Variants in NBEA observed in about 807,000 individuals in gnomAD.
NBEA encodes the protein lysosomal-trafficking regulator 2.
NBEA carries 44 observed loss-of-function variants against 343.4 expected under a neutral mutation model. The ratio of observed to expected loss-of-function variants is 0.13; its 90% CI spans 0.10 to 0.16. NBEA has a LOEUF of 0.16. Ranked by LOEUF, NBEA falls within the 10% of genes least tolerant of loss-of-function variation. NBEA has a pLI of 1.00. For missense variants in NBEA, 2,555 were observed against 3,631.3 expected, an observed-to-expected ratio of 0.70 and a Z score of 7.62; for synonymous variants, 1,175 against 1,238.7, an observed-to-expected ratio of 0.95 and a Z score of 1.08.
At chr13:35,175,484 T>C (rs1427045444) in intron 27 of NBEA, among the ~76,000 whole-genome samples, 1 of 152,186 alleles carries the variant, frequency 6.6e-6, no homozygotes, top group African/African-American at 2.4e-5. Flanking sequence ...TTTGTAGATA[T>C]ACTAAATAAA....
Position 35,110,880 on chromosome 13 carries a change from G to T in NBEA, c.1904G>T (p.Arg635Leu), listed in dbSNP as rs1375300772. The change falls in exon 13 of 59, where the codon CGC becomes CTC. Residue 635 changes from arginine to leucine, a missense_variant. Transcript: ENST00000379939. ...ACTGCTACCATCTACACCACCATAC[G>T]CAGAGTAGGAACAGTATTACAGCTA... is the stretch of plus-strand genomic sequence containing the variant. ...IGTATIYTTIRRVGTVLQLMH... is the reference protein window; with the variant it reads ...IGTATIYTTILRVGTVLQLMH... 6.2e-7 allele frequency: 1 copy of T among 1,611,978 alleles called. No individual in the cohort carries two copies. Among genetic ancestry groups the T allele is most frequent in the Non-Finnish European group, 8.5e-7 (1 of 1,178,398 alleles).
At chr13:35,113,627 A>ATCTATCTATCTATCTATCTGTCTG (rs138177740) in intron 13 of NBEA, among the ~76,000 whole-genome samples, 1 of 150,610 alleles carries the variant, frequency 6.6e-6, no homozygotes, top group African/African-American at 2.4e-5. Flanking sequence ...CTATCTATCT[A>ATCTATCTATCTATCTATCTGTCTG]TCTGTCTGTC....
chr13:35,062,690 T>TA (rs772886649), intron 8 of NBEA, among the ~76,000 whole-genome samples: 27 of 151,962 alleles, frequency 1.8e-4, no homozygotes, highest in Non-Finnish European at 3.7e-4. Context: ...ACAAAATCCT[T>TA]AAAGTTCTGA....
intron 13 of NBEA, among the ~76,000 whole-genome samples, chr13:35,114,970 G>A (rs1206053968): frequency 2.0e-5 from 3 of 152,058 alleles, no homozygotes; most frequent in Non-Finnish European, 4.4e-5. Context: ...TTCATGTGTA[G>A]GCACTCGCCT....
intron 41 of NBEA, chr13:35,476,857 G>GACCACC: frequency 2.0e-6 from 2 of 987,646 alleles, no homozygotes; most frequent in East Asian, 1.1e-4. Context: ...TGCTGCCGGC[G>GACCACC]GAAAACCACT....
chr13:35,435,948 T>C (rs561488137), intron 39 of NBEA, among the ~76,000 whole-genome samples: 1 of 152,166 alleles, frequency 6.6e-6, no homozygotes. Flanking sequence ...TCTAGGAACT[T>C]GACCCAAGGA....
intron 34 of NBEA, among the ~76,000 whole-genome samples, chr13:35,284,463 T>C (rs1282105492): frequency 1.3e-5 from 2 of 152,184 alleles, no homozygotes; most frequent in Non-Finnish European, 2.9e-5. Flanking sequence ...AATTTTATTA[T>C]AGTTTTAAGT....
chr13:35,464,474 G>A (rs531296336), intron 40 of NBEA, among the ~76,000 whole-genome samples: 9 of 152,098 alleles, frequency 5.9e-5, no homozygotes, highest in Non-Finnish European at 1.2e-4. Context: ...TATCCCAACT[G>A]CTCACTTCCC....
At chr13:35,483,061 ACAGG>A (rs1016324579) in intron 41 of NBEA, among the ~76,000 whole-genome samples, 68 of 152,086 alleles carry the variant, frequency 4.5e-4, no homozygotes, top group Admixed American at 7.9e-4. Flanking sequence ...AAACACTGAC[ACAGG>A]CAAAGTGTAA....
chr13:35,298,159 T>A (rs1052799514), intron 35 of NBEA, among the ~76,000 whole-genome samples: 4 of 149,166 alleles, frequency 2.7e-5, no homozygotes, highest in Non-Finnish European at 4.5e-5. Flanking sequence ...AAAATATATA[T>A]AGATACATAG....
At chr13:35,190,013 T>C (rs986311889) in intron 30 of NBEA, among the ~76,000 whole-genome samples, 3 of 152,082 alleles carry the variant, frequency 2.0e-5, no homozygotes, top group African/African-American at 7.2e-5. Context: ...TGAAAACCAG[T>C]AGTCTAGCAG....
At chr13:35,559,847 C>G (rs1165018670) in intron 44 of NBEA, among the ~76,000 whole-genome samples, 1 of 151,098 alleles carries the variant, frequency 6.6e-6, no homozygotes, top group Non-Finnish European at 1.5e-5. Flanking sequence ...AAGAGAATGG[C>G]CTGAACCCGG....
At chr13:35,094,722 TATG>T (rs1249455931) in intron 10 of NBEA, among the ~76,000 whole-genome samples, 4 of 152,042 alleles carry the variant, frequency 2.6e-5, no homozygotes, top group Admixed American at 6.6e-5. Context: ...ACTATAGAAA[TATG>T]ATATTAAATA....
At chr13:34,962,612 G>C (rs1465124555) in intron 1 of NBEA, among the ~76,000 whole-genome samples, 1 of 152,032 alleles carries the variant, frequency 6.6e-6, no homozygotes, top group African/African-American at 2.4e-5. Flanking sequence ...TACAATGAGA[G>C]TACTCTTATT....
At chr13:35,615,239 C>T (rs1358050634) in intron 48 of NBEA, among the ~76,000 whole-genome samples, 1 of 143,606 alleles carries the variant, frequency 7.0e-6, no homozygotes, top group Non-Finnish European at 1.5e-5. Flanking sequence ...AGTGAGGCAA[C>T]ATCACACCAT....
intron 41 of NBEA, among the ~76,000 whole-genome samples, chr13:35,497,872 T>C (rs1432999470): frequency 6.6e-6 from 1 of 152,056 alleles, no homozygotes; most frequent in East Asian, 1.9e-4. Context: ...ACCACTTGAA[T>C]GGATTATTTA....
At chr13:35,282,941 T>G (rs2152812516) in intron 34 of NBEA, among the ~76,000 whole-genome samples, 1 of 152,250 alleles carries the variant, frequency 6.6e-6, no homozygotes, top group South Asian at 2.1e-4. Flanking sequence ...GTAATTATTG[T>G]TCCTTAAATA....
At chr13:35,224,506 A>G (rs1370405016) in intron 33 of NBEA, among the ~76,000 whole-genome samples, 1 of 152,082 alleles carries the variant, frequency 6.6e-6, no homozygotes, top group Non-Finnish European at 1.5e-5. Flanking sequence ...CCTATCTTCA[A>G]ATTCACTGAG....
intron 8 of NBEA, among the ~76,000 whole-genome samples, chr13:35,068,545 G>A (rs1309055740): frequency 6.6e-6 from 1 of 152,032 alleles, no homozygotes; most frequent in East Asian, 1.9e-4. Flanking sequence ...AAGCATTCTA[G>A]TGATAACACT....
Sources: gnomAD v4.1 joint callset for allele counts (sites outside exome capture counted in the v4.1 genomes callset) on GRCh38, gnomAD v4.1.1 for gene constraint, MANE v1.5 for transcripts, NCBI Gene and HGNC (gene_info 2026-07-23, HGNC 2026-07-21) for gene names.